USP40: variants seen among roughly 807,000 people sequenced by gnomAD.
USP40 encodes the protein ubiquitin carboxyl-terminal hydrolase 40.
In USP40, 143 loss-of-function variants were observed where a neutral mutation model predicts 166.2. The ratio of observed to expected loss-of-function variants is 0.86; its 90% CI spans 0.75 to 0.99. The LOEUF is 0.99. Among genes scored for constraint, USP40 ranks in the 50% least tolerant of loss-of-function variants. The pLI is 0.00. For synonymous variants in USP40, 498 were observed against 524.0 expected, an observed-to-expected ratio of 0.95 and a Z score of 0.68; for missense variants, 1,444 against 1,479.7, an observed-to-expected ratio of 0.98 and a Z score of 0.40.
At position 233,485,620 on chromosome 2, in the gene USP40, G is replaced by A; in HGVS notation, c.3415C>T (p.Gln1139Ter). Residue 1139 changes from glutamine (Q) to a stop codon, truncating the protein, a stop_gained, in exon 30 of 32, where the codon CAA becomes TAA. Coordinates refer to ENST00000678225, the MANE Select transcript of USP40 (RefSeq NM_001365479.2). LOFTEE classifies it high-confidence loss of function. ...EWLPISSWNQ[Q>*]ITKRKKKKKQ... ...TTTTTCTTTTTCCTCTTGGTTATTT[G>A]TTGGTTCTATGGGAAAATCAAACAT... is the stretch of plus-strand genomic sequence containing the variant. 3 of 1,612,120 alleles carry A rather than the reference G, an allele frequency of 1.9e-6. No homozygotes were observed. The highest frequency in any genetic ancestry group is 1.7e-6 in the Non-Finnish European group (2 of 1,179,196).
chr2:233,549,023 A>C, intron 8 of USP40, 78 bp downstream of exon 8: 1 of 1,417,918 alleles, frequency 7.1e-7, no homozygotes, highest in Admixed American at 2.6e-5. Flanking sequence ...AATAAATGGT[A>C]AACAAAATTT....
chr2:233,481,910 C>A (rs1167102933), intron 30 of USP40, among the ~76,000 whole-genome samples: 1 of 152,144 alleles, frequency 6.6e-6, no homozygotes, highest in Non-Finnish European at 1.5e-5. Flanking sequence ...GCCTCAGGGG[C>A]GCACCCAGGA....
intron 11 of USP40, among the ~76,000 whole-genome samples, chr2:233,529,956 C>T (rs929162797): frequency 6.6e-6 from 1 of 151,760 alleles, no homozygotes; most frequent in South Asian, 2.1e-4. Context: ...CCTGCCACCA[C>T]GCCTGGCTAA....
intron 21 of USP40, among the ~76,000 whole-genome samples, chr2:233,504,856 G>A (rs1394230521): frequency 1.3e-5 from 2 of 151,802 alleles, no homozygotes; most frequent in East Asian, 3.9e-4. Context: ...AGACCAAACG[G>A]AGCTAACAGA....
chr2:233,511,087 T>C (rs2066800940), intron 20 of USP40, among the ~76,000 whole-genome samples: 1 of 152,166 alleles, frequency 6.6e-6, no homozygotes. Flanking sequence ...CAGATTACCC[T>C]GCTACAGGGT....
rs537132348 is a variant in USP40 at position 233,481,177 on chromosome 2, A to G, written c.3599+26T>C. On this transcript the variant is annotated intron_variant, in intron 31 of 31. Transcript: ENST00000678225. ...AGTCAGAGAGGGCTCTGTCAGCTGC[A>G]CATCTGTGCAGACCCCAGCAATTAC... 3.8e-5 allele frequency: 59 copies of G among 1,571,950 alleles called. No individual in the cohort carries two copies. In the South Asian group the frequency reaches 6.7e-4, roughly 18 times the overall value.
intron 30 of USP40, chr2:233,481,508 C>G: frequency 1.8e-6 from 1 of 567,152 alleles, no homozygotes; most frequent in East Asian, 3.0e-5. Context: ...AATTAATTTC[C>G]AGCCATCTGA....
chr2:233,511,312 G>C (rs1415249194), intron 20 of USP40, among the ~76,000 whole-genome samples: 1 of 152,158 alleles, frequency 6.6e-6, no homozygotes, highest in Non-Finnish European at 1.5e-5. Flanking sequence ...AAATGCTACT[G>C]AGTGTTAGAC....
chr2:233,554,332 C>G (rs1226514338), intron 6 of USP40, 48 bp downstream of exon 6: 1 of 1,546,172 alleles, frequency 6.5e-7, no homozygotes, highest in Admixed American at 2.0e-5. Flanking sequence ...TTGACTTGTA[C>G]TAACTACAAA....
At chr2:233,557,697 G>A (rs1002744077) in intron 4 of USP40, among the ~76,000 whole-genome samples, 1 of 152,118 alleles carries the variant, frequency 6.6e-6, no homozygotes, top group African/African-American at 2.4e-5. Flanking sequence ...AAGGAGGGTG[G>A]TGAGTGCTGC....
chr2:233,527,721 CACTTT>C (rs1004586933), intron 12 of USP40, 143 bp from the exon 13 acceptor site: 5 of 715,440 alleles, frequency 7.0e-6, no homozygotes, highest in Non-Finnish European at 1.1e-5. Flanking sequence ...CACAATTAGT[CACTTT>C]AATTTTTCAG....
At chr2:233,485,663 C>A in intron 29 of USP40, 37 bp from the exon 30 acceptor site, 3 of 1,605,848 alleles carry the variant, frequency 1.9e-6, no homozygotes, top group Non-Finnish European at 1.7e-6. Flanking sequence ...AAGCAAAACT[C>A]AACCTCAAGT....
intron 21 of USP40, 147 bp from the exon 22 acceptor site, chr2:233,500,062 T>A (rs937082161): frequency 3.1e-5 from 19 of 608,774 alleles, no homozygotes; most frequent in African/African-American, 2.9e-4. Flanking sequence ...GTTAAGAAGA[T>A]AATACACGAG....
chr2:233,477,233 C>A lies in USP40; in HGVS notation c.*159G>T. 1 of 705,420 alleles carries A rather than the reference C, an allele frequency of 1.4e-6. No homozygotes were observed. The highest frequency in any genetic ancestry group is 2.5e-6 in the Non-Finnish European group (1 of 402,742). 43.7% of individuals were successfully genotyped at this position (705,420 alleles called of 1,614,324 possible). On this transcript the variant is annotated 3_prime_UTR_variant, in exon 32 of 32. Coordinates refer to ENST00000678225, the MANE Select transcript of USP40 (RefSeq NM_001365479.2). ...CACGTGTTGCAGAGCTAAGTGACTACATGCACTGGCCAGGCCTCAGAGGAG... is the reference window on the plus strand; with the variant it reads ...CACGTGTTGCAGAGCTAAGTGACTAAATGCACTGGCCAGGCCTCAGAGGAG...
At position 233,496,774 on chromosome 2, in the gene USP40, C is replaced by T. The variant is rs200152165; in HGVS notation, c.2774G>A (p.Gly925Glu). Residue 925 changes from glycine to glutamate, a missense_variant, in exon 24 of 32, where the codon GGA becomes GAA. Coordinates refer to ENST00000678225, the MANE Select transcript of USP40 (RefSeq NM_001365479.2). ...CSGDTLLLIE[G>E]QLPPLGFLKV... ...AAATCTTACCAGAGGAGGAAGTTGT[C>T]CTTCAATTAAAAGCAAAGTATCTCC... 3.5e-5 allele frequency: 56 copies of T among 1,612,416 alleles called. No individual in the cohort carries two copies. In the African/African-American group the frequency reaches 5.1e-4, roughly 15 times the overall value.
chr2:233,497,065 G>C (rs1559226468), intron 23 of USP40, among the ~76,000 whole-genome samples: 4 of 152,202 alleles, frequency 2.6e-5, no homozygotes, highest in Admixed American at 2.6e-4. Context: ...GGAGTTAGAT[G>C]AGATGAGAAA....
rs1436139444 is a variant in USP40 at position 233,559,864 on chromosome 2, C to T, written c.328G>A (p.Glu110Lys). The T allele has an allele frequency of 6.2e-7, 1 of 1,610,844 alleles. No homozygotes were observed. Among genetic ancestry groups the T allele is most frequent in the Non-Finnish European group, 8.5e-7 (1 of 1,178,640 alleles). The change falls in exon 4 of 32, where the codon GAA becomes AAA. Residue 110 changes from glutamate (E) to lysine (K), a missense_variant. Coordinates refer to ENST00000678225, the MANE Select transcript of USP40 (RefSeq NM_001365479.2). ...LFAQLLLLDQ[E>K]AASTADLTDS... is the part of the protein sequence containing the mutation. ...GTGAGGTCTGCTGTGGATGCAGCTT[C>T]CTGGTCTAAGAGCAGAAGCTGAGCA...
intron 4 of USP40, among the ~76,000 whole-genome samples, chr2:233,558,507 T>A (rs1335682252): frequency 1.3e-5 from 2 of 152,182 alleles, no homozygotes; most frequent in African/African-American, 4.8e-5. Flanking sequence ...AGAAGACTGT[T>A]ACGAGACCAC....
In USP40 at chr2:233,551,402, TCC is replaced by T; in HGVS notation, c.809_810del (p.Arg270HisfsTer2). 1 of 1,610,020 alleles carries T rather than the reference TCC, an allele frequency of 6.2e-7. No individual in the cohort carries two copies. Among genetic ancestry groups the T allele is most frequent in the Non-Finnish European group, 8.5e-7 (1 of 1,178,674 alleles). ...TGTTCACAAAAGGGCTTGAGATTAA[TCC>T]GGAGAGGGAATGTATAACAGCTAGT... ...KETSCYTFPLRINLKPFCEQS... is the reference protein window; with the variant it reads ...KETSCYTFPLXINLKPFCEQS... On this transcript the variant is annotated frameshift_variant, in exon 7 of 32. Transcript: ENST00000678225. LOFTEE classifies it high-confidence loss of function.
Sources: gnomAD v4.1 joint callset for allele counts (sites outside exome capture counted in the v4.1 genomes callset) on GRCh38, gnomAD v4.1.1 for gene constraint, MANE v1.5 for transcripts, NCBI Gene and HGNC (gene_info 2026-07-23, HGNC 2026-07-21) for gene names.